IFIT1B: variants seen among roughly 807,000 people sequenced by gnomAD.
IFIT1B encodes the protein interferon induced protein with tetratricopeptide repeats 1B, also known as protein IFIT1 homolog B.
In IFIT1B, 3 loss-of-function variants were observed where a neutral mutation model predicts 2.5. The observed-to-expected ratio is 1.21, with a 90% confidence interval of 0.55 to 3.14. IFIT1B has a LOEUF of 3.14. Ranked by LOEUF, IFIT1B falls within the 30% of genes most tolerant of loss-of-function variation. IFIT1B has a pLI of 0.03. For missense variants in IFIT1B, 545 were observed against 556.5 expected, an observed-to-expected ratio of 0.98 and a Z score of 0.21; for synonymous variants, 196 against 203.0, an observed-to-expected ratio of 0.97 and a Z score of 0.29.
At position 89,383,901 on chromosome 10, in the gene IFIT1B, G is replaced by A. The variant is rs866753126; in HGVS notation, c.588G>A (p.Gly196=). 6.2e-7 allele frequency: 1 copy of A among 1,614,208 alleles called. No individual in the cohort carries two copies. The highest frequency in any genetic ancestry group is 8.5e-7 in the Non-Finnish European group (1 of 1,180,046). The stretch of plus-strand genomic sequence containing the variant: ...TGGATAAATTTAACACAGCATCAGG[G>A]AGGAATAAGGCATTTTCTCTGCACG... ...YRLDKFNTAS[G]RNKAFSLHVL... Residue 196 remains glycine (G), a synonymous_variant, in exon 2 of 2, where the codon GGG becomes GGA. Transcript: ENST00000371809.
At chr10:89,383,270 G>A (rs779529463) in intron 1 of IFIT1B, 49 bp from the exon 2 acceptor site, 4 of 1,495,730 alleles carry the variant, frequency 2.7e-6, no homozygotes, top group Non-Finnish European at 3.7e-6. Flanking sequence ...CATTTTCAGT[G>A]GACTGAATAC....
chr10:89,383,407 A>T lies in IFIT1B; in HGVS notation c.94A>T (p.Ile32Phe). ...TWKLLIEAPE[I>F]PDLENRIWEE... ...GAAGTTGTTAATTGAAGCCCCTGAA[A>T]TTCCTGATTTAGAAAACAGGATCTG... The change falls in exon 2 of 2, where the codon ATT becomes TTT. Residue 32 changes from isoleucine to phenylalanine, a missense_variant. Physicochemically the swap from Ile to Phe is conservative, Grantham distance 21. Transcript: ENST00000371809. The T allele has an allele frequency of 6.2e-7, 1 of 1,614,240 alleles. No homozygotes were observed. Among genetic ancestry groups the T allele is most frequent in the Non-Finnish European group, 8.5e-7 (1 of 1,180,042 alleles).
Position 89,378,096 on chromosome 10 carries a change from A to G in IFIT1B, c.-40A>G. 6.2e-7 allele frequency: 1 copy of G among 1,613,126 alleles called. No individual in the cohort carries two copies. Among genetic ancestry groups the G allele is most frequent in the African/African-American group, 1.3e-5 (1 of 75,018 alleles). On this transcript the variant is annotated 5_prime_UTR_variant, in exon 1 of 2. Transcript: ENST00000371809. ...AACCTTGAAGGAGCCTCCAAGCCTGAACCAAAGCACTACAGATCACCTGCT... is the reference window on the plus strand; with the variant it reads ...AACCTTGAAGGAGCCTCCAAGCCTGGACCAAAGCACTACAGATCACCTGCT...
At chr10:89,379,868 T>C (rs1844149616) in intron 1 of IFIT1B, among the ~76,000 whole-genome samples, 1 of 151,866 alleles carries the variant, frequency 6.6e-6, no homozygotes, top group Admixed American at 6.6e-5. Flanking sequence ...CCCCGCCTCT[T>C]CTAAAAAATA....
intron 1 of IFIT1B, among the ~76,000 whole-genome samples, chr10:89,378,689 T>G (rs1413402033): frequency 1.3e-5 from 2 of 152,152 alleles, no homozygotes; most frequent in African/African-American, 4.8e-5. Flanking sequence ...AGAGTCAGCT[T>G]CCAAGCACAG....
In IFIT1B at chr10:89,379,351, G is replaced by A. The variant is rs74146919; in HGVS notation, c.5+1211G>A. Among the ~76,000 whole-genome samples the A allele has an allele frequency of 9.1e-3, 1,386 of 152,214 alleles. 22 individuals carry two copies. The highest frequency in any genetic ancestry group is 0.032 in the African/African-American group (1,331 of 41,520). The stretch of plus-strand genomic sequence containing the variant: ...TCTAGGGTGGGGCCCATCAATCTGT[G>A]TGTTATAAGTTTTCCAGGTGATCAT... On this transcript the variant is annotated intron_variant, in intron 1 of 1. Transcript: ENST00000371809.
rs1219739797 is a variant in IFIT1B at position 89,384,880 on chromosome 10, T to A, written c.*142T>A. 3 of 698,716 alleles carry A rather than the reference T, an allele frequency of 4.3e-6. No individual in the cohort carries two copies. Among genetic ancestry groups the A allele is most frequent in the African/African-American group, 3.6e-5 (2 of 55,904 alleles). The allele number at this position is 698,716 out of a possible 1,614,324, so 43.3% of individuals were successfully genotyped here. On this transcript the variant is annotated 3_prime_UTR_variant, in exon 2 of 2. Transcript: ENST00000371809. The stretch of plus-strand genomic sequence containing the variant: ...ATGTGGCTGTGTGGCCTGAGTTATG[T>A]AGCATGCAACTGCAACTTCTGCTTT...
rs141939113 is a variant in IFIT1B, at chr10:89,383,762, C to T, written c.449C>T (p.Ala150Val). ...EVDCEEGWALAKCGGKNYERA... is the reference protein window; with the variant it reads ...EVDCEEGWALVKCGGKNYERA... Reference sequence around the variant, plus strand: ...GACTGTGAGGAAGGATGGGCCTTGGCGAAGTGTGGTGGAAAGAATTATGAA... The same window carrying T: ...GACTGTGAGGAAGGATGGGCCTTGGTGAAGTGTGGTGGAAAGAATTATGAA... The change falls in exon 2 of 2, where the codon GCG becomes GTG. Residue 150 changes from alanine (A) to valine (V), a missense_variant. Physicochemically the swap from Ala to Val is moderately conservative, Grantham distance 64 (BLOSUM62 0). Transcript: ENST00000371809. 1.0e-4 allele frequency: 165 copies of T among 1,613,940 alleles called. No individual in the cohort carries two copies. Among genetic ancestry groups the T allele is most frequent in the African/African-American group, 6.4e-4 (48 of 74,864 alleles).
At chr10:89,380,467 C>T (rs57782005) in intron 1 of IFIT1B, among the ~76,000 whole-genome samples, 3 of 151,468 alleles carry the variant, frequency 2.0e-5, no homozygotes, top group Non-Finnish European at 2.9e-5. Flanking sequence ...ACAGGGCCTC[C>T]CTCTGTCACC....
At chr10:89,383,269 T>G (rs761019769) in intron 1 of IFIT1B, 50 bp from the exon 2 acceptor site, 3 of 1,492,560 alleles carry the variant, frequency 2.0e-6, no homozygotes, top group Middle Eastern at 1.8e-4. Context: ...TCATTTTCAG[T>G]GGACTGAATA....
intron 1 of IFIT1B, among the ~76,000 whole-genome samples, chr10:89,381,303 C>T (rs1393670192): frequency 2.0e-5 from 3 of 152,130 alleles, no homozygotes; most frequent in Admixed American, 6.5e-5. Flanking sequence ...AAACTCTTCC[C>T]GATTCCATCT....
rs367734139 is a variant in IFIT1B at position 89,384,535 on chromosome 10, A to G, written c.1222A>G (p.Ile408Val). ...TACCCATTATTTAAAAGGTTTGAAA[A>G]TAGAAAAAATGTCCCATTCCAGGGA... ...AITHYLKGLK[I>V]EKMSHSREKL... Residue 408 changes from isoleucine to valine, a missense_variant, in exon 2 of 2, where the codon ATA becomes GTA. Transcript: ENST00000371809. 30 of 1,614,028 alleles carry G rather than the reference A, an allele frequency of 1.9e-5. No individual in the cohort carries two copies. The highest frequency in any genetic ancestry group is 2.5e-5 in the Non-Finnish European group (30 of 1,180,004).
chr10:89,381,927 G>T (rs897857572), intron 1 of IFIT1B, among the ~76,000 whole-genome samples: 2 of 151,608 alleles, frequency 1.3e-5, no homozygotes, highest in African/African-American at 4.8e-5. Context: ...CTGGGACAAC[G>T]CTGGCTAATT....
At chr10:89,381,601 G>A (rs1783003101) in intron 1 of IFIT1B, among the ~76,000 whole-genome samples, 1 of 152,076 alleles carries the variant, frequency 6.6e-6, no homozygotes, top group South Asian at 2.1e-4. Context: ...ACTCAAGGAG[G>A]GTCTAAGCAT....
Position 89,384,826 on chromosome 10 carries a change from A to C in IFIT1B, c.*88A>C. 2 of 1,205,228 alleles carry C rather than the reference A, an allele frequency of 1.7e-6. No homozygotes were observed. The highest frequency in any genetic ancestry group is 2.3e-6 in the Non-Finnish European group (2 of 856,476). The allele number at this position is 1,205,228 out of a possible 1,614,324, so 74.7% of individuals were successfully genotyped here. A position where few individuals can be genotyped will look rare whatever the true frequency, so the allele number is the denominator to read the frequency against. ...ATAATGCAAACTTAAAGCTGTTGGA[A>C]ATTTACCTTATTTTGAGCCTTGAGA... On this transcript the variant is annotated 3_prime_UTR_variant, in exon 2 of 2. Transcript: ENST00000371809.
At chr10:89,378,226 C>A (rs960633339) in intron 1 of IFIT1B, 86 bp downstream of exon 1, 2 of 1,378,006 alleles carry the variant, frequency 1.5e-6, no homozygotes, top group Non-Finnish European at 1.0e-6. Flanking sequence ...TTTTGACAGG[C>A]CTTCTCCTAA....
chr10:89,380,595 G>A (rs777043194), intron 1 of IFIT1B, among the ~76,000 whole-genome samples: 15 of 151,990 alleles, frequency 9.9e-5, no homozygotes, highest in Non-Finnish European at 1.6e-4. Flanking sequence ...CGCCAGGCCC[G>A]GCTAATTTTT....
At chr10:89,379,675 T>G (rs1321699547) in intron 1 of IFIT1B, among the ~76,000 whole-genome samples, 1 of 151,980 alleles carries the variant, frequency 6.6e-6, no homozygotes, top group Non-Finnish European at 1.5e-5. Flanking sequence ...AATGAAGGAT[T>G]GCAAAAAAAT....
chr10:89,381,174 C>T (rs1054647747), intron 1 of IFIT1B, among the ~76,000 whole-genome samples: 1 of 152,196 alleles, frequency 6.6e-6, no homozygotes, highest in African/African-American at 2.4e-5. Context: ...AATGGCTTAT[C>T]TTCAAATATT....
Sources: gnomAD v4.1 joint callset for allele counts (sites outside exome capture counted in the v4.1 genomes callset) on GRCh38, gnomAD v4.1.1 for gene constraint, MANE v1.5 for transcripts, NCBI Gene and HGNC (gene_info 2026-07-23, HGNC 2026-07-21) for gene names.